The following AFAP1 variants were observed in gnomAD, a reference collection of about 807,000 sequenced individuals.
The protein encoded by AFAP1 is actin filament-associated protein 1.
AFAP1 carries 75 observed loss-of-function variants against 93.9 expected under a neutral mutation model. The observed-to-expected ratio is 0.80, with a 90% CI of 0.66 to 0.97. AFAP1 has a LOEUF of 0.97. AFAP1 is among the 50% of genes least tolerant of loss of function. The pLI, the probability that AFAP1 is intolerant of heterozygous loss-of-function variation, is 0.00. For missense variants in AFAP1, 1,201 were observed against 1,050.8 expected (o/e 1.14, Z -1.98); for synonymous variants, 517 against 430.7 (o/e 1.20, Z -2.48).
rs4689863 is a variant in AFAP1, at chr4:7,786,954, T to A, written c.1413-643A>T. On this transcript the variant is annotated intron_variant, in intron 11 of 17. Transcript: ENST00000420658. ...AGCACCACTGCCACCCCACATCTCTTCACCTCTTCCCTGAAATTTCCTCAA... is the reference window on the plus strand; with the variant it reads ...AGCACCACTGCCACCCCACATCTCTACACCTCTTCCCTGAAATTTCCTCAA... Among the ~76,000 whole-genome samples the A allele has an allele frequency of 4.0e-3, 612 of 152,308 alleles. 2 individuals are homozygous for A. The highest frequency in any genetic ancestry group is 0.014 in the African/African-American group (589 of 41,562).
intron 1 of AFAP1, among the ~76,000 whole-genome samples, chr4:7,915,371 C>T (rs908796872): frequency 1.3e-4 from 18 of 143,202 alleles, no homozygotes; most frequent in African/African-American, 3.0e-4. Context: ...AACGTCTGTT[C>T]GGTTGGGTGT....
chr4:7,924,951 G>C (rs1365883377), intron 1 of AFAP1, among the ~76,000 whole-genome samples: 2 of 151,970 alleles, frequency 1.3e-5, no homozygotes, highest in Non-Finnish European at 2.9e-5. Flanking sequence ...AATCACATAG[G>C]ACACCCCACT....
rs370949145 is a variant in AFAP1, at chr4:7,872,360, C to A, written c.-2-280G>T. On this transcript the variant is annotated intron_variant, in intron 1 of 17. Transcript: ENST00000420658. ...AACAGATGGTGTGACAACCCAAAGG[C>A]CTGACGTCATCATTTGGTGTCAATT... 84 of 313,898 alleles carry A rather than the reference C, an allele frequency of 2.7e-4. 1 individual carries two copies. In the East Asian group the frequency reaches 4.5e-3, roughly 17 times the overall value. The allele number at this position is 313,898 out of a possible 1,614,324, so 19.4% of individuals were successfully genotyped here.
chr4:7,788,429 G>A lies in AFAP1; in HGVS notation c.1413-2118C>T, dbSNP rs991349553. Among the ~76,000 whole-genome samples the A allele has an allele frequency of 3.3e-5, 5 of 152,386 alleles. No homozygotes were observed. The South Asian group carries it at 8.3e-4, about 25-fold the overall frequency. On this transcript the variant is annotated intron_variant, in intron 11 of 17. Coordinates refer to ENST00000420658, the MANE Select transcript of AFAP1 (RefSeq NM_001134647.2). ...GCGGAAATGGCTCCTCACAGAGCGC[G>A]TGTGCGCCCCATGCTGGGGAGGGAC...
At chr4:7,878,918 T>A (rs1717680493) in intron 1 of AFAP1, among the ~76,000 whole-genome samples, 1 of 152,180 alleles carries the variant, frequency 6.6e-6, no homozygotes, top group South Asian at 2.1e-4. Context: ...CCTCTTAGGT[T>A]ACATCCCTCA....
chr4:7,860,180 C>A (rs765516244), intron 3 of AFAP1, among the ~76,000 whole-genome samples: 1 of 152,104 alleles, frequency 6.6e-6, no homozygotes, highest in Non-Finnish European at 1.5e-5. Flanking sequence ...GTTATAAATA[C>A]AGTAATAATT....
chr4:7,767,299 G>A (rs1160604872), intron 17 of AFAP1, among the ~76,000 whole-genome samples: 1 of 152,202 alleles, frequency 6.6e-6, no homozygotes, highest in African/African-American at 2.4e-5. Flanking sequence ...CGGGGGGCCT[G>A]AACCTCTGTA....
chr4:7,883,752 G>T (rs1717984539), intron 1 of AFAP1, among the ~76,000 whole-genome samples: 1 of 152,124 alleles, frequency 6.6e-6, no homozygotes, highest in Non-Finnish European at 1.5e-5. Flanking sequence ...AAATAATTTA[G>T]CAAGAAATGC....
intron 7 of AFAP1, 43 bp downstream of exon 7, chr4:7,819,033 C>G: frequency 6.6e-7 from 1 of 1,504,272 alleles, no homozygotes; most frequent in Non-Finnish European, 9.0e-7. Flanking sequence ...CCCCAATCCA[C>G]TGCAAGGTCA....
Position 7,786,282 on chromosome 4 carries a change from T to C in AFAP1, c.1442A>G (p.Asn481Ser), listed in dbSNP as rs1290927710. ...CFMNRRVISANPYLGGTSNGY... is the reference protein window; with the variant it reads ...CFMNRRVISASPYLGGTSNGY... ...GTTGGAGGTGCCCCCTAGATATGGG[T>C]TAGCAGATATAACACGCCTGTTCAT... is the stretch of plus-strand genomic sequence containing the variant. The change falls in exon 12 of 18, where the codon AAC becomes AGC. Residue 481 changes from asparagine to serine, a missense_variant. Transcript: ENST00000420658. The C allele has an allele frequency of 6.2e-7, 1 of 1,614,010 alleles. No homozygotes were observed. The highest frequency in any genetic ancestry group is 1.7e-5 in the Admixed American group (1 of 60,008).
chr4:7,765,994 T>C (rs1203352363), intron 17 of AFAP1, among the ~76,000 whole-genome samples: 4 of 152,172 alleles, frequency 2.6e-5, no homozygotes, highest in African/African-American at 9.7e-5. Flanking sequence ...TTCCAGGGGC[T>C]CATTAACTGG....
intron 6 of AFAP1, among the ~76,000 whole-genome samples, chr4:7,828,442 G>A (rs892585952): frequency 6.6e-6 from 1 of 152,348 alleles, no homozygotes; most frequent in Admixed American, 6.5e-5. Context: ...GACACAGGAA[G>A]AGTCTGTCTC....
intron 4 of AFAP1, among the ~76,000 whole-genome samples, chr4:7,851,875 T>C (rs1041817220): frequency 6.6e-6 from 1 of 152,120 alleles, no homozygotes; most frequent in Non-Finnish European, 1.5e-5. Flanking sequence ...TTAAAATAAA[T>C]TTGCCTTCTA....
At chr4:7,808,568 T>C (rs937759465) in intron 9 of AFAP1, among the ~76,000 whole-genome samples, 3 of 152,076 alleles carry the variant, frequency 2.0e-5, no homozygotes, top group African/African-American at 7.2e-5. Context: ...ACCGGGGAGA[T>C]GGTCTGTGTG....
At chr4:7,810,795 C>T (rs752071987) in intron 8 of AFAP1, among the ~76,000 whole-genome samples, 4 of 152,164 alleles carry the variant, frequency 2.6e-5, no homozygotes, top group East Asian at 1.9e-4. Flanking sequence ...GCAGACGGGC[C>T]GGTGAGGGAC....
intron 8 of AFAP1, among the ~76,000 whole-genome samples, chr4:7,810,478 G>A (rs1719913533): frequency 6.6e-6 from 1 of 152,178 alleles, no homozygotes; most frequent in South Asian, 2.1e-4. Context: ...GTGCAGCTCT[G>A]GCCTGGCTGG....
intron 10 of AFAP1, among the ~76,000 whole-genome samples, chr4:7,795,479 G>A (rs1352069024): frequency 3.3e-5 from 4 of 121,668 alleles, no homozygotes; most frequent in Non-Finnish European, 4.8e-5. Context: ...AGACTGGAGT[G>A]CAGTGGTGTG....
chr4:7,816,815 G>C (rs1401044230), intron 7 of AFAP1, among the ~76,000 whole-genome samples: 1 of 152,216 alleles, frequency 6.6e-6, no homozygotes, highest in Non-Finnish European at 1.5e-5. Flanking sequence ...ACACAGATGA[G>C]ATATGTGAGC....
chr4:7,816,005 A>C lies in AFAP1; in HGVS notation c.904+13T>G. 6.2e-7 allele frequency: 1 copy of C among 1,605,018 alleles called. No individual in the cohort carries two copies. The highest frequency in any genetic ancestry group is 8.5e-7 in the Non-Finnish European group (1 of 1,176,804). The stretch of plus-strand genomic sequence containing the variant: ...TTTAGTGTATATATGTTTTTGGCAC[A>C]AGCAGAACTCACCTTGCTCCTTTCC... On this transcript the variant is annotated intron_variant, in intron 8 of 17. Transcript: ENST00000420658.
Sources: allele counts gnomAD v4.1 joint callset (sites outside exome capture counted in the v4.1 genomes callset), GRCh38; gene constraint gnomAD v4.1.1; transcripts MANE v1.5; gene names NCBI Gene and HGNC (gene_info 2026-07-23, HGNC 2026-07-21).